Variants in CDH8 observed in about 807,000 individuals in gnomAD.
The protein encoded by CDH8 is cadherin 8, also known as cadherin-8.
In CDH8, 17 loss-of-function variants were observed where a neutral mutation model predicts 68.1. That is an observed-to-expected ratio of 0.25 (90% CI 0.17 to 0.37). The LOEUF is 0.37. Ranked by LOEUF, CDH8 falls within the 10% of genes least tolerant of loss-of-function variation. CDH8 has a pLI of 1.00. For missense variants in CDH8, 763 were observed against 999.3 expected (o/e 0.76, Z 3.19); for synonymous variants, 372 against 365.1 (o/e 1.02, Z -0.21).
At chr16:62,021,075 A>G in intron 2 of CDH8, 77 bp downstream of exon 2, 2 of 1,273,512 alleles carry the variant, frequency 1.6e-6, no homozygotes, top group Non-Finnish European at 2.2e-6. Flanking sequence ...TGTGGTCACA[A>G]TTAAAAAGAG....
chr16:61,933,543 T>C (rs12598894), intron 2 of CDH8, among the ~76,000 whole-genome samples: 23,185 of 152,172 alleles, frequency 0.15, 2,627 homozygotes, highest in East Asian at 0.3. Context: ...TACATATATC[T>C]TTTTAAATAT....
At chr16:61,707,619 G>A (rs551939434) in intron 10 of CDH8, among the ~76,000 whole-genome samples, 7 of 152,270 alleles carry the variant, frequency 4.6e-5, no homozygotes, top group African/African-American at 1.7e-4. Context: ...CTTGGTAGGT[G>A]TTACTCAGGT....
At chr16:61,729,003 C>G (rs553290400) in intron 8 of CDH8, among the ~76,000 whole-genome samples, 1 of 151,234 alleles carries the variant, frequency 6.6e-6, no homozygotes, top group Admixed American at 6.6e-5. Context: ...TTGCCTTTTG[C>G]AATTTTCCAC....
chr16:61,874,287 G>A (rs1217558186), intron 3 of CDH8, among the ~76,000 whole-genome samples: 3 of 152,036 alleles, frequency 2.0e-5, no homozygotes, highest in Admixed American at 6.6e-5. Flanking sequence ...GGTACAGTAG[G>A]TTAGGTATAT....
Position 61,768,285 on chromosome 16 carries a change from C to T in CDH8, c.1414+21061G>A, listed in dbSNP as rs905609887. On this transcript the variant is annotated intron_variant, in intron 8 of 11. Transcript: ENST00000577390. ...CAGAGGGTTGGTTCCCGGAAGAGCA[C>T]TTCAGGCTCTCTCTCTGTGTCTCTC... Among the ~76,000 whole-genome samples the T allele has an allele frequency of 2.8e-5, 4 of 143,632 alleles. No homozygotes were observed. The East Asian group carries it at 8.7e-4, about 31-fold the overall frequency. The allele number at this position is 143,632 out of a possible 152,430, so 94.2% of individuals were successfully genotyped here.
intron 2 of CDH8, among the ~76,000 whole-genome samples, chr16:61,905,088 C>A (rs1964040706): frequency 6.6e-6 from 1 of 152,214 alleles, no homozygotes; most frequent in African/African-American, 2.4e-5. Context: ...TTGTCTTCCA[C>A]AAAACTGGTC....
intron 10 of CDH8, among the ~76,000 whole-genome samples, chr16:61,683,144 A>C (rs1364908395): frequency 6.6e-6 from 1 of 152,038 alleles, no homozygotes; most frequent in Non-Finnish European, 1.5e-5. Flanking sequence ...TAAAAGTTAA[A>C]AGAAAACCTA....
chr16:61,977,854 C>T (rs1567553732), intron 2 of CDH8, among the ~76,000 whole-genome samples: 1 of 152,126 alleles, frequency 6.6e-6, no homozygotes, highest in Non-Finnish European at 1.5e-5. Context: ...CGAAACACAG[C>T]TTCTTTAGGC....
intron 2 of CDH8, among the ~76,000 whole-genome samples, chr16:61,917,041 T>G (rs1390475253): frequency 6.6e-6 from 1 of 151,174 alleles, no homozygotes; most frequent in Non-Finnish European, 1.5e-5. Context: ...AGTTCAGCAT[T>G]GCACAAATTA....
At chr16:61,924,312 T>C (rs1221025166) in intron 2 of CDH8, among the ~76,000 whole-genome samples, 1 of 152,182 alleles carries the variant, frequency 6.6e-6, no homozygotes, top group African/African-American at 2.4e-5. Flanking sequence ...TGTTGAAATA[T>C]ACACAACCCT....
intron 1 of CDH8, among the ~76,000 whole-genome samples, chr16:62,033,907 C>T (rs1394943363): frequency 6.6e-6 from 1 of 152,034 alleles, no homozygotes; most frequent in Non-Finnish European, 1.5e-5. Flanking sequence ...ACTGTGACTG[C>T]TCCAGCATGA....
chr16:61,821,189 G>A, intron 5 of CDH8, 76 bp from the exon 6 acceptor site: 1 of 1,185,730 alleles, frequency 8.4e-7, no homozygotes, highest in South Asian at 1.5e-5. Flanking sequence ...ATATCTTTTG[G>A]GCACCTCCTT....
In CDH8 at chr16:61,985,573, A is replaced by G. The variant is rs528701769; in HGVS notation, c.252+35579T>C. 1.2e-4 allele frequency among the ~76,000 whole-genome samples: 18 copies of G among 152,042 alleles called. No homozygotes were observed. In the South Asian group the frequency reaches 3.5e-3, roughly 30 times the overall value. Reference sequence around the variant, plus strand: ...AATGGCATGATCTTGGCTCACCACAACCTCCGCCTCCTGGATTCAAGCGAT... The same window carrying G: ...AATGGCATGATCTTGGCTCACCACAGCCTCCGCCTCCTGGATTCAAGCGAT... On this transcript the variant is annotated intron_variant, in intron 2 of 11. Transcript: ENST00000577390.
intron 1 of CDH8, among the ~76,000 whole-genome samples, chr16:62,029,269 T>C (rs1902268665): frequency 6.6e-6 from 1 of 152,246 alleles, no homozygotes; most frequent in African/African-American, 2.4e-5. Context: ...TATTTACTGA[T>C]TTTTAAAAAT....
chr16:62,012,618 T>C (rs893721044), intron 2 of CDH8, among the ~76,000 whole-genome samples: 2 of 152,208 alleles, frequency 1.3e-5, no homozygotes, highest in Non-Finnish European at 2.9e-5. Flanking sequence ...TTTTATTAAG[T>C]TTTACATTTT....
At chr16:61,699,535 CAT>C (rs1964384658) in intron 10 of CDH8, among the ~76,000 whole-genome samples, 2 of 152,166 alleles carry the variant, frequency 1.3e-5, no homozygotes, top group Admixed American at 1.3e-4. Flanking sequence ...ATCTCCATAA[CAT>C]AGTCTTTTCA....
At chr16:61,874,429 T>C (rs1963424883) in intron 3 of CDH8, among the ~76,000 whole-genome samples, 1 of 151,978 alleles carries the variant, frequency 6.6e-6, no homozygotes, top group African/African-American at 2.4e-5. Context: ...CCTCCCAGGT[T>C]CAGGCCATTC....
chr16:61,877,321 G>A (rs1963479585), intron 3 of CDH8, among the ~76,000 whole-genome samples: 3 of 151,732 alleles, frequency 2.0e-5, no homozygotes, highest in Admixed American at 6.6e-5. Flanking sequence ...AAAAAAGAAG[G>A]TTTCTAGGCA....
intron 3 of CDH8, among the ~76,000 whole-genome samples, chr16:61,864,292 CGGTT>C (rs59862418): frequency 0.36 from 52,712 of 145,796 alleles, 10,702 homozygotes; most frequent in African/African-American, 0.53. Flanking sequence ...GCTGGATGTC[CGGTT>C]GGTTGGTTGG....
Sources: allele counts gnomAD v4.1 joint callset (sites outside exome capture counted in the v4.1 genomes callset), GRCh38; gene constraint gnomAD v4.1.1; transcripts MANE v1.5; gene names NCBI Gene and HGNC (gene_info 2026-07-23, HGNC 2026-07-21).